ADGRE3: variants seen among roughly 807,000 people sequenced by gnomAD.
ADGRE3 encodes EGF-like module receptor 3.
In ADGRE3, 88 loss-of-function variants were observed where a neutral mutation model predicts 80.1. That is an observed-to-expected ratio of 1.10 (90% confidence interval 0.93 to 1.31). The LOEUF (loss-of-function observed/expected upper bound fraction) is 1.31, where lower values mean the gene tolerates loss of function less well. Among genes scored for constraint, ADGRE3 ranks in the 40% most tolerant of loss-of-function variants. The pLI is 0.00. For missense variants in ADGRE3, 715 were observed against 776.5 expected (o/e 0.92, Z 0.94); for synonymous variants, 281 against 294.8 (o/e 0.95, Z 0.48).
chr19:14,647,618 A>G (rs1971451839), intron 7 of ADGRE3, among the ~76,000 whole-genome samples: 1 of 151,202 alleles, frequency 6.6e-6, no homozygotes. Context: ...GGGTTTCACT[A>G]TGTTGGCCAG....
rs112595913 is a variant in ADGRE3 at position 14,651,188 on chromosome 19, C to T, written c.594G>A (p.Ala198=). ...TTTCTTCAGAGCAATTGTCTGTAATCGCTTGAGTTTCAATAGCTGGTAAGA... is the reference window on the plus strand; with the variant it reads ...TTTCTTCAGAGCAATTGTCTGTAATTGCTTGAGTTTCAATAGCTGGTAAGA... The part of the protein sequence containing the change: ...QNDSVAIETQ[A]ITDNCSEERK... The change falls in exon 7 of 16, where the codon GCG becomes GCA. Residue 198 remains alanine, a synonymous_variant. Coordinates refer to ENST00000253673, the MANE Select transcript of ADGRE3 (RefSeq NM_032571.5). 242 of 1,614,058 alleles carry T rather than the reference C, an allele frequency of 1.5e-4. No homozygotes were observed. The African/African-American group carries it at 2.6e-3, about 17-fold the overall frequency.
At position 14,665,665 on chromosome 19, in the gene ADGRE3, A is replaced by T. The variant is rs557588572; in HGVS notation, c.77-2125T>A. Among the ~76,000 whole-genome samples, 462 of 151,266 alleles carry T rather than the reference A, an allele frequency of 3.1e-3. 1 individual carries two copies. The highest frequency in any genetic ancestry group is 4.6e-3 in the African/African-American group (188 of 41,244). On this transcript the variant is annotated intron_variant, in intron 2 of 15. Coordinates refer to ENST00000253673, the MANE Select transcript of ADGRE3 (RefSeq NM_032571.5). ...CCAAAATGCCCAGCTAATTAAAAAA[A>T]TTTTTTTGTAGAGATGGGGTTCTTG...
chr19:14,625,133 C>T (rs537974416), intron 15 of ADGRE3, among the ~76,000 whole-genome samples: 4 of 152,272 alleles, frequency 2.6e-5, no homozygotes, highest in South Asian at 4.1e-4. Context: ...GTGCATACCA[C>T]CACACCCGGC....
intron 10 of ADGRE3, among the ~76,000 whole-genome samples, chr19:14,640,949 C>T (rs1172628567): frequency 6.6e-6 from 1 of 152,194 alleles, no homozygotes; most frequent in Non-Finnish European, 1.5e-5. Flanking sequence ...TCCAATTAAA[C>T]CTCTTTTTCT....
At chr19:14,609,909 A>T in the ADGRE3 span, among the ~76,000 whole-genome samples, 1 of 152,126 alleles carries the variant, frequency 6.6e-6, no homozygotes, top group East Asian at 1.9e-4. Context: ...ACGGTGGCTC[A>T]CTGTGCCCGG....
rs369557985 is a variant in ADGRE3 at position 14,647,157 on chromosome 19, G to T, written c.882+24C>A. 48 of 1,605,592 alleles carry T rather than the reference G, an allele frequency of 3.0e-5. No homozygotes were observed. The African/African-American group carries it at 6.3e-4, about 21-fold the overall frequency. On this transcript the variant is annotated intron_variant, in intron 8 of 15. Coordinates refer to ENST00000253673, the MANE Select transcript of ADGRE3 (RefSeq NM_032571.5). ...GGCCTGCCTCCTTGAGAACCCACAA[G>T]CTCAAATCATACCTGTGACCCACCT...
At chr19:14,603,756 G>A in the ADGRE3 span, among the ~76,000 whole-genome samples, 1 of 152,136 alleles carries the variant, frequency 6.6e-6, no homozygotes, top group East Asian at 1.9e-4. Context: ...GTGAGCCACC[G>A]TGCCCTAACC....
chr19:14,632,750 C>A (rs10405678), intron 13 of ADGRE3, among the ~76,000 whole-genome samples, 171 bp downstream of exon 13: 18,459 of 150,992 alleles, frequency 0.12, 1,234 homozygotes, highest in African/African-American at 0.18. Context: ...TTTATCACAG[C>A]AGCTTAGCTT....
At chr19:14,668,975 C>A in intron 1 of ADGRE3, 123 bp from the exon 2 acceptor site, 1 of 889,662 alleles carries the variant, frequency 1.1e-6, no homozygotes, top group Admixed American at 2.4e-5. Context: ...AATGTAGTGG[C>A]TTAAAGCTAC....
At position 14,653,220 on chromosome 19, in the gene ADGRE3, C is replaced by T. The variant is rs189847731; in HGVS notation, c.577+1762G>A. On this transcript the variant is annotated intron_variant, in intron 6 of 15. Coordinates refer to ENST00000253673, the MANE Select transcript of ADGRE3 (RefSeq NM_032571.5). ...CTCGAACTCCTGACCTCAAGTGATC[C>T]GCCTGCCTTAGCCTCCAAAAGTGCT... 7.2e-5 allele frequency among the ~76,000 whole-genome samples: 11 copies of T among 152,080 alleles called. No homozygotes were observed. The East Asian group carries it at 1.2e-3, about 16-fold the overall frequency.
intron 8 of ADGRE3, among the ~76,000 whole-genome samples, chr19:14,646,173 A>G (rs1227378879): frequency 6.6e-6 from 1 of 151,924 alleles, no homozygotes; most frequent in Non-Finnish European, 1.5e-5. Flanking sequence ...GCCAGGCTGG[A>G]GTGCAGTGGC....
intron 15 of ADGRE3, among the ~76,000 whole-genome samples, chr19:14,620,572 T>A (rs796352460): frequency 0.062 from 674 of 10,894 alleles, 94 homozygotes; most frequent in Non-Finnish European, 0.081. Flanking sequence ...ATATATATTT[T>A]TTTTTTTTTT....
chr19:14,628,229 T>A (rs1970784572), intron 14 of ADGRE3, among the ~76,000 whole-genome samples: 1 of 149,942 alleles, frequency 6.7e-6, no homozygotes, highest in Admixed American at 6.7e-5. Flanking sequence ...AGAGTACATA[T>A]AAGTGTTTTG....
rs79221600 is a variant in ADGRE3, at chr19:14,627,144, C to T, written c.1813-1545G>A. 8.9e-3 allele frequency among the ~76,000 whole-genome samples: 1,352 copies of T among 152,182 alleles called. 13 individuals are homozygous for T. Among genetic ancestry groups the T allele is most frequent in the African/African-American group, 0.031 (1,283 of 41,500 alleles). On this transcript the variant is annotated intron_variant, in intron 14 of 15. Transcript: ENST00000253673. ...TGTGTGCATTGTTTAGGATATTTAG[C>T]GGTATCCCTGACCTCCACCAACTAG...
intron 2 of ADGRE3, 65 bp from the exon 3 acceptor site, chr19:14,663,605 C>A: frequency 6.5e-7 from 1 of 1,537,524 alleles, no homozygotes. Flanking sequence ...ATAATTAGGC[C>A]CTGCCTCTTG....
At chr19:14,616,013 C>T (rs1471572696), downstream of ADGRE3, among the ~76,000 whole-genome samples, 1 of 150,296 alleles carries the variant, frequency 6.7e-6, no homozygotes, top group African/African-American at 2.4e-5. Flanking sequence ...CCCACTGTAA[C>T]CTCCGCCTCC....
intron 2 of ADGRE3, among the ~76,000 whole-genome samples, chr19:14,664,769 G>A (rs750017216): frequency 1.3e-5 from 2 of 151,860 alleles, no homozygotes; most frequent in African/African-American, 2.4e-5. Context: ...GATTCTGATC[G>A]TGGTATATGT....
At chr19:14,637,112 A>G (rs1971111892) in intron 11 of ADGRE3, among the ~76,000 whole-genome samples, 1 of 152,104 alleles carries the variant, frequency 6.6e-6, no homozygotes, top group African/African-American at 2.4e-5. Flanking sequence ...CAAAAAAACA[A>G]AACAAAAAAA....
chr19:14,620,059 C>A (rs1970494020), intron 15 of ADGRE3, among the ~76,000 whole-genome samples: 1 of 152,158 alleles, frequency 6.6e-6, no homozygotes, highest in Non-Finnish European at 1.5e-5. Context: ...TCAAGCTTGA[C>A]TTTTTCCATA....
Sources: gnomAD v4.1 joint callset for allele counts (sites outside exome capture counted in the v4.1 genomes callset) on GRCh38, gnomAD v4.1.1 for gene constraint, MANE v1.5 for transcripts, NCBI Gene and HGNC (gene_info 2026-07-23, HGNC 2026-07-21) for gene names.